The following EPS15 variants were observed in gnomAD, a reference collection of about 807,000 sequenced individuals.
The protein encoded by EPS15 is epidermal growth factor receptor substrate 15.
Under a neutral mutation model 113.8 loss-of-function variants are expected in EPS15, and 72 were observed. The ratio of observed to expected loss-of-function variants is 0.63; its 90% confidence interval spans 0.52 to 0.77. EPS15 has a LOEUF of 0.77. Among genes scored for constraint, EPS15 ranks in the 30% least tolerant of loss-of-function variants. The pLI is 0.00. For synonymous variants in EPS15, 344 were observed against 363.4 expected, an observed-to-expected ratio of 0.95 and a Z score of 0.61; for missense variants, 1,048 against 1,045.8, an observed-to-expected ratio of 1.00 and a Z score of -0.03.
chr1:51,458,940 C>T (rs982277579), intron 8 of EPS15: 1 of 153,962 alleles, frequency 6.5e-6, no homozygotes, highest in Non-Finnish European at 1.4e-5. Context: ...AATGGCTCAA[C>T]CCCTGAAATG....
chr1:51,452,121 G>C (rs1224358605), intron 8 of EPS15, among the ~76,000 whole-genome samples: 1 of 151,640 alleles, frequency 6.6e-6, no homozygotes, highest in Non-Finnish European at 1.5e-5. Context: ...CTGAGCTCAA[G>C]CGATCCACCC....
intron 19 of EPS15, 144 bp downstream of exon 19, chr1:51,400,774 T>C: frequency 5.3e-6 from 1 of 190,400 alleles, no homozygotes. Flanking sequence ...TTAAGCAAAA[T>C]CAAAAGAATT....
chr1:51,365,311 A>G, intron 22 of EPS15, among the ~76,000 whole-genome samples: 1 of 152,198 alleles, frequency 6.6e-6, no homozygotes, highest in Admixed American at 6.5e-5. Flanking sequence ...TGTATTAAAT[A>G]GCATCCCTCA....
chr1:51,393,314 A>G (rs1263185276), intron 21 of EPS15, among the ~76,000 whole-genome samples: 2 of 152,150 alleles, frequency 1.3e-5, no homozygotes, highest in African/African-American at 2.4e-5. Flanking sequence ...CCTTCTGGCA[A>G]TTCTCCTGCC....
chr1:51,388,802 A>C (rs1355850406), intron 21 of EPS15, among the ~76,000 whole-genome samples: 1 of 152,002 alleles, frequency 6.6e-6, no homozygotes, highest in Admixed American at 6.6e-5. Flanking sequence ...CCAATAACAG[A>C]CTCTGAAATT....
chr1:51,370,067 GC>G (rs1256615612), intron 21 of EPS15, among the ~76,000 whole-genome samples: 2 of 152,166 alleles, frequency 1.3e-5, no homozygotes, highest in African/African-American at 4.8e-5. Flanking sequence ...CTTGACATAT[GC>G]CACATAACAA....
At chr1:51,502,851 A>G (rs1461112768) in intron 1 of EPS15, among the ~76,000 whole-genome samples, 1 of 152,006 alleles carries the variant, frequency 6.6e-6, no homozygotes, top group Admixed American at 6.6e-5. Context: ...CTAAAAATAC[A>G]AAAATTAGCT....
At chr1:51,387,006 A>G (rs1647097534) in intron 21 of EPS15, among the ~76,000 whole-genome samples, 1 of 152,130 alleles carries the variant, frequency 6.6e-6, no homozygotes, top group Non-Finnish European at 1.5e-5. Flanking sequence ...CAACTCCAAG[A>G]CACTTAATTA....
At chr1:51,465,863 A>C (rs1016888547) in intron 5 of EPS15, among the ~76,000 whole-genome samples, 1 of 151,836 alleles carries the variant, frequency 6.6e-6, no homozygotes, top group Non-Finnish European at 1.5e-5. Context: ...TATGCAGACC[A>C]AAAACTTCTA....
rs980386505 is a variant in EPS15, at chr1:51,449,272, G to T, written c.562-1137C>A. Among the ~76,000 whole-genome samples, 3 of 152,032 alleles carry T rather than the reference G, an allele frequency of 2.0e-5. No individual in the cohort carries two copies. In the South Asian group the frequency reaches 6.2e-4, roughly 32 times the overall value. Reference sequence around the variant, plus strand: ...ACTACACAGCCACAAAAAACAACAAGATCATGTCCTTTGCAGCAAAATGGA... The same window carrying T: ...ACTACACAGCCACAAAAAACAACAATATCATGTCCTTTGCAGCAAAATGGA... On this transcript the variant is annotated intron_variant, in intron 8 of 24. Coordinates refer to ENST00000371733, the MANE Select transcript of EPS15 (RefSeq NM_001981.3).
In EPS15 at chr1:51,363,297, C is replaced by CAAA. The variant is rs34317809; in HGVS notation, c.2359+566_2359+568dup. On this transcript the variant is annotated intron_variant, in intron 23 of 24. Transcript: ENST00000371733. ...TGGGCAACAGAGCGAGATTCCATCT[C>CAAA]AAAAAAAAAAAAAAAAAAGAGGAAT... Among the ~76,000 whole-genome samples, 709 of 76,718 alleles carry CAAA rather than the reference C, an allele frequency of 9.2e-3. 4 individuals are homozygous for CAAA. Among genetic ancestry groups the CAAA allele is most frequent in the African/African-American group, 0.017 (370 of 21,448 alleles). 50.3% of individuals were successfully genotyped at this position (76,718 alleles called of 152,430 possible).
chr1:51,401,550 C>T (rs535994619), intron 18 of EPS15, among the ~76,000 whole-genome samples: 3 of 152,242 alleles, frequency 2.0e-5, no homozygotes, highest in African/African-American at 4.8e-5. Flanking sequence ...TAAATCTTTG[C>T]GACTTAGGTA....
chr1:51,501,146 G>A lies in EPS15; in HGVS notation c.33+18053C>T, dbSNP rs564191128. Reference sequence around the variant, plus strand: ...GTATTGGCTGGGTGTGGTGGCTCACGCCTGTAATCCCAGCACTTTGAGAGC... The same window carrying A: ...GTATTGGCTGGGTGTGGTGGCTCACACCTGTAATCCCAGCACTTTGAGAGC... On this transcript the variant is annotated intron_variant, in intron 1 of 24. Coordinates refer to ENST00000371733, the MANE Select transcript of EPS15 (RefSeq NM_001981.3). Among the ~76,000 whole-genome samples the A allele has an allele frequency of 1.5e-3, 235 of 152,112 alleles. 1 individual carries two copies. The highest frequency in any genetic ancestry group is 5.4e-3 in the African/African-American group (223 of 41,522).
intron 1 of EPS15, among the ~76,000 whole-genome samples, chr1:51,509,018 G>A (rs193206441): frequency 6.6e-6 from 1 of 152,154 alleles, no homozygotes; most frequent in Admixed American, 6.6e-5. Flanking sequence ...ATTCTCTCAT[G>A]GCACCCCCTT....
intron 15 of EPS15, 103 bp from the exon 16 acceptor site, chr1:51,406,211 C>CAT: frequency 1.1e-6 from 1 of 939,292 alleles, no homozygotes; most frequent in South Asian, 1.6e-5. Flanking sequence ...TGTGGTAGCT[C>CAT]ATGCCTATAA....
chr1:51,429,460 G>A lies in EPS15; in HGVS notation c.1041-7602C>T, dbSNP rs574515375. ...TTTAAAGTAGTAAATTTTATGTTATGTATATTTTATGATAATAAAAAATTA... is the reference window on the plus strand; with the variant it reads ...TTTAAAGTAGTAAATTTTATGTTATATATATTTTATGATAATAAAAAATTA... On this transcript the variant is annotated intron_variant, in intron 12 of 24. Transcript: ENST00000371733. 9.2e-5 allele frequency among the ~76,000 whole-genome samples: 14 copies of A among 151,876 alleles called. 1 individual carries two copies. The South Asian group carries it at 2.3e-3, about 25-fold the overall frequency.
At chr1:51,508,450 T>C (rs1644563100) in intron 1 of EPS15, among the ~76,000 whole-genome samples, 1 of 152,110 alleles carries the variant, frequency 6.6e-6, no homozygotes, top group Non-Finnish European at 1.5e-5. Flanking sequence ...AGCAATTCTA[T>C]TTATCAAATG....
At chr1:51,387,498 T>C (rs535454892) in intron 21 of EPS15, among the ~76,000 whole-genome samples, 5 of 152,144 alleles carry the variant, frequency 3.3e-5, no homozygotes, top group Non-Finnish European at 5.9e-5. Flanking sequence ...ATGGACTAAA[T>C]GCTCCAATTA....
At chr1:51,384,963 C>A (rs892864231) in intron 21 of EPS15, among the ~76,000 whole-genome samples, 1 of 152,118 alleles carries the variant, frequency 6.6e-6, no homozygotes, top group East Asian at 1.9e-4. Flanking sequence ...GGATTAAATA[C>A]CTAAATGTAA....
Sources: gnomAD v4.1 joint callset for allele counts (sites outside exome capture counted in the v4.1 genomes callset) on GRCh38, gnomAD v4.1.1 for gene constraint, MANE v1.5 for transcripts, NCBI Gene and HGNC (gene_info 2026-07-23, HGNC 2026-07-21) for gene names.